SLC28A3: variants seen among roughly 807,000 people sequenced by gnomAD.
SLC28A3 encodes the protein solute carrier family 28 member 3, also known as concentrative Na(+)-nucleoside cotransporter 3.
A neutral mutation model predicts 84.2 loss-of-function variants in SLC28A3; 68 were observed. The ratio of observed to expected loss-of-function variants is 0.81; its 90% CI spans 0.66 to 0.99. The LOEUF is 0.99. Ranked by LOEUF, SLC28A3 falls within the 50% of genes least tolerant of loss-of-function variation. The pLI is 0.00. For synonymous variants in SLC28A3, 267 were observed against 303.6 expected (o/e 0.88, Z 1.25); for missense variants, 712 against 841.5 (o/e 0.85, Z 1.90).
the SLC28A3 span, among the ~76,000 whole-genome samples, chr9:84,362,659 T>TAAATA: frequency 1.4e-5 from 2 of 145,400 alleles, no homozygotes; most frequent in South Asian, 2.1e-4. Context: ...ATAAATAAGT[T>TAAATA]AATAAATAAA....
intron 1 of SLC28A3, among the ~76,000 whole-genome samples, chr9:84,337,044 G>C (rs1826999996): frequency 6.6e-6 from 1 of 152,124 alleles, no homozygotes; most frequent in Non-Finnish European, 1.5e-5. Flanking sequence ...TGTAATCCCA[G>C]CACTTTGGAA....
the SLC28A3 span, among the ~76,000 whole-genome samples, chr9:84,361,270 G>A: frequency 6.6e-6 from 1 of 152,146 alleles, no homozygotes; most frequent in Non-Finnish European, 1.5e-5. Context: ...GCTTGAACCT[G>A]GGAGGCAAAG....
At chr9:84,331,629 G>C (rs1222255601) in intron 1 of SLC28A3, among the ~76,000 whole-genome samples, 3 of 152,186 alleles carry the variant, frequency 2.0e-5, no homozygotes, top group African/African-American at 7.2e-5. Context: ...ACTTTCGTAA[G>C]TGAGTTCCAC....
intron 10 of SLC28A3, among the ~76,000 whole-genome samples, chr9:84,290,937 G>C (rs1479259316): frequency 6.6e-6 from 1 of 152,206 alleles, no homozygotes; most frequent in Non-Finnish European, 1.5e-5. Context: ...CTGATGGGTG[G>C]AAAGGAAGAA....
chr9:84,305,865 A>C (rs888844762), intron 3 of SLC28A3, among the ~76,000 whole-genome samples: 1 of 152,182 alleles, frequency 6.6e-6, no homozygotes, highest in Non-Finnish European at 1.5e-5. Flanking sequence ...CTTAAAATGC[A>C]AAGTAGGATT....
chr9:84,297,117 A>C, intron 8 of SLC28A3, 104 bp downstream of exon 8: 2 of 786,986 alleles, frequency 2.5e-6, no homozygotes, highest in Non-Finnish European at 4.2e-6. Flanking sequence ...CCAGCGCAGT[A>C]GGTATATACC....
At chr9:84,315,394 C>G (rs978854185) in intron 1 of SLC28A3, among the ~76,000 whole-genome samples, 12 of 152,188 alleles carry the variant, frequency 7.9e-5, no homozygotes, top group African/African-American at 1.4e-4. Flanking sequence ...CGGATCCTTA[C>G]GGAATCCTGA....
chr9:84,339,941 C>T (rs117679839), intron 1 of SLC28A3, among the ~76,000 whole-genome samples: 25 of 152,280 alleles, frequency 1.6e-4, no homozygotes, highest in African/African-American at 4.3e-4. Flanking sequence ...TTCTCCAGAG[C>T]GCCCATGCTG....
chr9:84,340,016 T>TC (rs1827103409), intron 1 of SLC28A3, among the ~76,000 whole-genome samples: 1 of 152,146 alleles, frequency 6.6e-6, no homozygotes, highest in African/African-American at 2.4e-5. Context: ...CCAGACCCAG[T>TC]CAAAATAGCC....
intron 4 of SLC28A3, among the ~76,000 whole-genome samples, chr9:84,304,846 AC>A (rs1313106174): frequency 6.6e-6 from 1 of 152,136 alleles, no homozygotes; most frequent in Admixed American, 6.5e-5. Context: ...ACACAGTGAA[AC>A]CCTGTCTCTA....
chr9:84,344,752 G>A (rs1827223366), upstream of SLC28A3, among the ~76,000 whole-genome samples: 1 of 152,066 alleles, frequency 6.6e-6, no homozygotes, highest in African/African-American at 2.4e-5. Flanking sequence ...TCAACCAATT[G>A]TCAACCAGAA....
intron 1 of SLC28A3, among the ~76,000 whole-genome samples, chr9:84,324,747 C>T (rs868603872): frequency 1.6e-4 from 24 of 152,194 alleles, no homozygotes; most frequent in South Asian, 8.3e-4. Context: ...AGTGAATGAC[C>T]GTACATCTTC....
rs1824547056 is a variant in SLC28A3, at chr9:84,276,950, G to C, written c.*1268C>G. The C allele has an allele frequency of 6.6e-6, 1 of 152,212 alleles. No individual in the cohort carries two copies. The highest frequency in any genetic ancestry group is 6.5e-5 in the Admixed American group (1 of 15,288). The allele number at this position is 152,212 out of a possible 1,614,324, so 9.4% of individuals were successfully genotyped here. On this transcript the variant is annotated 3_prime_UTR_variant, in exon 18 of 18. Coordinates refer to ENST00000376238, the MANE Select transcript of SLC28A3 (RefSeq NM_001199633.2). ...CAGCATGTGGTCTTCATGCTATTAA[G>C]AGCAGTGGTGATGGGCATTTCGTTA...
intron 2 of SLC28A3, among the ~76,000 whole-genome samples, chr9:84,311,676 C>T (rs1825992642): frequency 6.9e-6 from 1 of 145,954 alleles, no homozygotes; most frequent in African/African-American, 2.7e-5. Flanking sequence ...ATGGTGAAAC[C>T]CCGTCTCTAC....
At chr9:84,314,162 T>C (rs1160641369) in intron 1 of SLC28A3, among the ~76,000 whole-genome samples, 1 of 152,184 alleles carries the variant, frequency 6.6e-6, no homozygotes, top group South Asian at 2.1e-4. Context: ...AATGGGTTTT[T>C]TTTGGTTTAA....
chr9:84,357,058 G>T, the SLC28A3 span, among the ~76,000 whole-genome samples: 2 of 152,070 alleles, frequency 1.3e-5, no homozygotes, highest in African/African-American at 4.8e-5. Flanking sequence ...TATGCCATTG[G>T]TTTCCTGTCT....
At chr9:84,362,134 G>T in the SLC28A3 span, among the ~76,000 whole-genome samples, 9 of 152,196 alleles carry the variant, frequency 5.9e-5, no homozygotes, top group South Asian at 4.2e-4. Flanking sequence ...TGTTCTGAAG[G>T]TGAGTGAAAG....
chr9:84,340,737 TG>T lies in SLC28A3; in HGVS notation c.-105del. On this transcript the variant is annotated 5_prime_UTR_variant, in exon 1 of 18. Coordinates refer to ENST00000376238, the MANE Select transcript of SLC28A3 (RefSeq NM_001199633.2). ...AAAGCCACCTGCTGTTACAGGGACC[TG>T]GGCACAGCTTGCTTCAGTTTGGAAA... The T allele has an allele frequency of 7.9e-7, 1 of 1,264,286 alleles. No individual in the cohort carries two copies. The highest frequency in any genetic ancestry group is 1.2e-5 in the South Asian group (1 of 81,284). 78.3% of individuals were successfully genotyped at this position (1,264,286 alleles called of 1,614,324 possible). A position where few individuals can be genotyped will look rare whatever the true frequency, so the allele number is the denominator to read the frequency against.
Position 84,288,182 on chromosome 9 carries a change from C to A in SLC28A3, c.1150-4G>T. 6.2e-7 allele frequency: 1 copy of A among 1,613,782 alleles called. No individual in the cohort carries two copies. The highest frequency in any genetic ancestry group is 1.3e-5 in the African/African-American group (1 of 75,008). On this transcript the variant is annotated splice_region_variant and splice_polypyrimidine_tract_variant and intron_variant, in intron 11 of 17. Coordinates refer to ENST00000376238, the MANE Select transcript of SLC28A3 (RefSeq NM_001199633.2). ...TTAACAAGTGGGAGGATGGAACCTG[C>A]AATTTCAGAAGAAAGAAGGCAAACC... is the stretch of plus-strand genomic sequence containing the variant.
Sources: gnomAD v4.1 joint callset for allele counts (sites outside exome capture counted in the v4.1 genomes callset) on GRCh38, gnomAD v4.1.1 for gene constraint, MANE v1.5 for transcripts, NCBI Gene and HGNC (gene_info 2026-07-23, HGNC 2026-07-21) for gene names.